EML4: variants seen among roughly 807,000 people sequenced by gnomAD.
The protein encoded by EML4 is echinoderm microtubule-associated protein-like 4.
In EML4, 72 loss-of-function variants were observed where a neutral mutation model predicts 129.0. The ratio of observed to expected loss-of-function variants is 0.56; its 90% confidence interval spans 0.46 to 0.68. EML4 has a LOEUF of 0.68. Ranked by LOEUF, EML4 falls within the 30% of genes least tolerant of loss-of-function variation. EML4 has a pLI of 0.00. For synonymous variants in EML4, 532 were observed against 405.0 expected, an observed-to-expected ratio of 1.31 and a Z score of -3.77; for missense variants, 1,363 against 1,190.6, an observed-to-expected ratio of 1.14 and a Z score of -2.13.
At chr2:42,320,624 A>G (rs114539553) in intron 19 of EML4, among the ~76,000 whole-genome samples, 1,888 of 152,322 alleles carry the variant, frequency 0.012, 41 homozygotes, top group African/African-American at 0.043. Flanking sequence ...ACAGTAATCT[A>G]TTAAAATTCA....
chr2:42,330,421 A>G lies in EML4; in HGVS notation c.*214A>G. 3 of 634,634 alleles carry G rather than the reference A, an allele frequency of 4.7e-6. No individual in the cohort carries two copies. The highest frequency in any genetic ancestry group is 3.5e-5 in the South Asian group (2 of 57,102). 39.3% of individuals were successfully genotyped at this position (634,634 alleles called of 1,614,324 possible). A position where few individuals can be genotyped will look rare whatever the true frequency, so the allele number is the denominator to read the frequency against. On this transcript the variant is annotated 3_prime_UTR_variant, in exon 23 of 23. Coordinates refer to ENST00000318522, the MANE Select transcript of EML4 (RefSeq NM_019063.5). Reference sequence around the variant, plus strand: ...TTATTGAAAATTAACCAAACTTAATACTAGGAGAAGACTGAATCATTAATG... The same window carrying G: ...TTATTGAAAATTAACCAAACTTAATGCTAGGAGAAGACTGAATCATTAATG...
intron 11 of EML4, among the ~76,000 whole-genome samples, chr2:42,292,536 A>G (rs962754753): frequency 2.6e-5 from 4 of 152,268 alleles, no homozygotes; most frequent in African/African-American, 7.2e-5. Flanking sequence ...TGCATTGTGT[A>G]TAATTCCATT....
chr2:42,298,880 C>T (rs962823894), intron 13 of EML4, among the ~76,000 whole-genome samples: 1 of 152,164 alleles, frequency 6.6e-6, no homozygotes, highest in Admixed American at 6.5e-5. Context: ...TACCTTCAGG[C>T]TACTCTTGTT....
chr2:42,192,954 C>G (rs1671687206), intron 1 of EML4, among the ~76,000 whole-genome samples: 2 of 152,130 alleles, frequency 1.3e-5, no homozygotes. Flanking sequence ...TTTGCAGACT[C>G]TGAGGTAGTA....
intron 10 of EML4, 41 bp from the exon 11 acceptor site, chr2:42,288,186 A>G (rs1460943308): frequency 1.9e-5 from 16 of 833,806 alleles, no homozygotes; most frequent in Middle Eastern, 2.4e-4. Context: ...TGTTAGCCCT[A>G]TCAGTGAATT....
intron 3 of EML4, among the ~76,000 whole-genome samples, chr2:42,259,327 C>T (rs1665561508): frequency 6.6e-6 from 1 of 151,822 alleles, no homozygotes; most frequent in African/African-American, 2.4e-5. Context: ...CACTGGAATT[C>T]AAGTCTTGAT....
chr2:42,201,486 G>C (rs553809694), intron 1 of EML4, among the ~76,000 whole-genome samples: 1 of 152,290 alleles, frequency 6.6e-6, no homozygotes, highest in East Asian at 1.9e-4. Context: ...TGATGAAGCA[G>C]TCCCACTTCT....
At chr2:42,239,960 G>A (rs1214500627) in intron 1 of EML4, among the ~76,000 whole-genome samples, 1 of 152,158 alleles carries the variant, frequency 6.6e-6, no homozygotes, top group Non-Finnish European at 1.5e-5. Flanking sequence ...GAAAGAACAA[G>A]AGCAATGCAT....
At chr2:42,240,270 A>G (rs1395959447) in intron 1 of EML4, among the ~76,000 whole-genome samples, 3 of 152,206 alleles carry the variant, frequency 2.0e-5, no homozygotes, top group Non-Finnish European at 4.4e-5. Flanking sequence ...ACACATTTTT[A>G]TTGTGAAATT....
At chr2:42,237,711 T>C (rs1035459060) in intron 1 of EML4, among the ~76,000 whole-genome samples, 1 of 152,204 alleles carries the variant, frequency 6.6e-6, no homozygotes, top group South Asian at 2.1e-4. Context: ...TGTACTCTTA[T>C]AATAAAGTAA....
chr2:42,250,619 C>T (rs888505470), intron 2 of EML4, among the ~76,000 whole-genome samples: 1 of 151,934 alleles, frequency 6.6e-6, no homozygotes, highest in African/African-American at 2.4e-5. Context: ...GGTGTACTTG[C>T]ACAAACCTAG....
chr2:42,296,984 A>C (rs1186923998), intron 13 of EML4, among the ~76,000 whole-genome samples: 4 of 152,228 alleles, frequency 2.6e-5, no homozygotes, highest in Non-Finnish European at 4.4e-5. Flanking sequence ...CATTCACCTG[A>C]ATGTCTAAGC....
chr2:42,222,087 G>C (rs1039113482), intron 1 of EML4, among the ~76,000 whole-genome samples: 10 of 152,042 alleles, frequency 6.6e-5, no homozygotes, highest in African/African-American at 9.7e-5. Context: ...TGGAGAAGTT[G>C]AGTCATGTTA....
At chr2:42,267,760 C>T (rs1048268992) in intron 6 of EML4, among the ~76,000 whole-genome samples, 2 of 152,296 alleles carry the variant, frequency 1.3e-5, no homozygotes, top group South Asian at 2.1e-4. Flanking sequence ...AAAAGAGGCT[C>T]TTACTGACCT....
intron 2 of EML4, among the ~76,000 whole-genome samples, chr2:42,247,081 A>G (rs755328019): frequency 5.9e-5 from 9 of 152,344 alleles, no homozygotes; most frequent in Non-Finnish European, 1.3e-4. Context: ...ATTACTTTTT[A>G]AAATTTGTTA....
At chr2:42,325,602 T>TTATTTATATA (rs1669752765) in intron 20 of EML4, 48 bp downstream of exon 20, 1 of 124,280 alleles carries the variant, frequency 8.0e-6, no homozygotes, top group South Asian at 2.0e-4. Flanking sequence ...ATGATTATAT[T>TTATTTATATA]TATATATATA....
At chr2:42,211,585 G>A (rs1373236465) in intron 1 of EML4, among the ~76,000 whole-genome samples, 2 of 152,148 alleles carry the variant, frequency 1.3e-5, no homozygotes, top group Non-Finnish European at 2.9e-5. Context: ...AATTATGAAA[G>A]GACTTGGATG....
At chr2:42,315,830 C>T in intron 17 of EML4, 132 bp from the exon 18 acceptor site, 6 of 639,590 alleles carry the variant, frequency 9.4e-6, no homozygotes, top group Non-Finnish European at 8.3e-6. Context: ...CTGTGGTGAG[C>T]TAGGATCACT....
At chr2:42,311,949 ATCC>A in intron 17 of EML4, among the ~76,000 whole-genome samples, 1 of 152,278 alleles carries the variant, frequency 6.6e-6, no homozygotes, top group East Asian at 1.9e-4. Flanking sequence ...TGTTCAAGCA[ATCC>A]TCCTGCCTCG....
Sources: allele counts gnomAD v4.1 joint callset (sites outside exome capture counted in the v4.1 genomes callset), GRCh38; gene constraint gnomAD v4.1.1; transcripts MANE v1.5; gene names NCBI Gene and HGNC (gene_info 2026-07-23, HGNC 2026-07-21).